Variants in TCERG1L observed in about 807,000 individuals in gnomAD.
TCERG1L encodes the protein transcription elongation regulator 1-like protein.
A neutral mutation model predicts 56.3 loss-of-function variants in TCERG1L; 37 were observed. The ratio of observed to expected loss-of-function variants is 0.66; its 90% CI spans 0.51 to 0.87. TCERG1L has a LOEUF of 0.87. Ranked by LOEUF, TCERG1L falls within the 40% of genes least tolerant of loss-of-function variation. TCERG1L has a pLI of 0.00. For synonymous variants in TCERG1L, 324 were observed against 326.3 expected (o/e 0.99, Z 0.08); for missense variants, 799 against 774.2 (o/e 1.03, Z -0.38).
chr10:131,148,563 CACAT>C (rs1845827153), intron 6 of TCERG1L, among the ~76,000 whole-genome samples: 1 of 142,036 alleles, frequency 7.0e-6, no homozygotes, highest in Non-Finnish European at 1.6e-5. Context: ...CAGAGAAACA[CACAT>C]ACACACAAAT....
At chr10:131,287,354 A>G (rs933226600) in intron 3 of TCERG1L, among the ~76,000 whole-genome samples, 1 of 152,212 alleles carries the variant, frequency 6.6e-6, no homozygotes. Context: ...CTTTTGGCAA[A>G]TTGATTCATT....
chr10:131,241,709 C>T (rs1301085765), intron 4 of TCERG1L, among the ~76,000 whole-genome samples: 6 of 151,878 alleles, frequency 4.0e-5, no homozygotes, highest in Admixed American at 2.0e-4. Flanking sequence ...ATATAGAACA[C>T]GTATTAACAG....
At chr10:131,207,259 G>C (rs1420429699) in intron 4 of TCERG1L, among the ~76,000 whole-genome samples, 1 of 151,698 alleles carries the variant, frequency 6.6e-6, no homozygotes, top group African/African-American at 2.4e-5. Flanking sequence ...TTCTGTCCTG[G>C]GAGACCCCAG....
intron 3 of TCERG1L, among the ~76,000 whole-genome samples, chr10:131,270,398 G>A (rs1056602493): frequency 2.6e-5 from 4 of 152,210 alleles, no homozygotes; most frequent in Non-Finnish European, 4.4e-5. Flanking sequence ...AGGGAATCCC[G>A]TAGTTGAGTA....
chr10:131,144,264 A>T (rs1162805093), intron 7 of TCERG1L, among the ~76,000 whole-genome samples: 1 of 152,232 alleles, frequency 6.6e-6, no homozygotes, highest in African/African-American at 2.4e-5. Flanking sequence ...CTAATAGTCA[A>T]ACAAAATGTG....
intron 3 of TCERG1L, among the ~76,000 whole-genome samples, chr10:131,280,127 T>G (rs1209379935): frequency 1.3e-5 from 2 of 152,202 alleles, no homozygotes; most frequent in Admixed American, 6.5e-5. Context: ...GTTTTACACA[T>G]TCTATACATT....
At position 131,308,248 on chromosome 10, in the gene TCERG1L, C is replaced by A. The variant is rs144369307; in HGVS notation, c.633G>T (p.Pro211=). 6.2e-7 allele frequency: 1 copy of A among 1,613,718 alleles called. No homozygotes were observed. Among genetic ancestry groups the A allele is most frequent in the Non-Finnish European group, 8.5e-7 (1 of 1,179,758 alleles). ...GAGGTGCTAACACCACCGTGGGGAG[C>A]GGCCTGGAGGCAGGAGCCGGCCTGG... ...SLSRPAPASR[P]LPTVVLAPQP... The change falls in exon 3 of 12, where the codon CCG becomes CCT. Residue 211 remains proline (P), a synonymous_variant. Transcript: ENST00000368642.
At chr10:131,307,955 C>A (rs1195986057) in intron 3 of TCERG1L, among the ~76,000 whole-genome samples, 4 of 152,080 alleles carry the variant, frequency 2.6e-5, no homozygotes, top group Non-Finnish European at 4.4e-5. Context: ...CAGAGCACTG[C>A]AAATACAATT....
At chr10:131,240,536 T>C (rs1254162038) in intron 4 of TCERG1L, among the ~76,000 whole-genome samples, 1 of 120,474 alleles carries the variant, frequency 8.3e-6, no homozygotes, top group Non-Finnish European at 1.8e-5. Context: ...GAGGAACTAA[T>C]GAATGAGTGA....
intron 9 of TCERG1L, among the ~76,000 whole-genome samples, chr10:131,106,557 AG>A (rs1659883826): frequency 6.6e-6 from 1 of 152,174 alleles, no homozygotes; most frequent in Admixed American, 6.5e-5. Flanking sequence ...ATGAAGGTGC[AG>A]GGAAGTGGCA....
chr10:131,224,116 C>A (rs1420848404), intron 4 of TCERG1L, among the ~76,000 whole-genome samples: 1 of 152,122 alleles, frequency 6.6e-6, no homozygotes, highest in Non-Finnish European at 1.5e-5. Context: ...CTCCTTTCCC[C>A]CTGACCCATC....
At chr10:131,220,781 G>T (rs562245871) in intron 4 of TCERG1L, among the ~76,000 whole-genome samples, 1 of 152,326 alleles carries the variant, frequency 6.6e-6, no homozygotes, top group South Asian at 2.1e-4. Flanking sequence ...CCTTGGCAGT[G>T]GTCCAGAGCC....
chr10:131,232,601 T>A (rs1845864579), intron 4 of TCERG1L, among the ~76,000 whole-genome samples: 1 of 152,230 alleles, frequency 6.6e-6, no homozygotes, highest in East Asian at 1.9e-4. Context: ...AAAACAGGTT[T>A]TGTTCTTTCT....
At position 131,093,057 on chromosome 10, in the gene TCERG1L, G is replaced by C; in HGVS notation, c.*105C>G. ...CCGCAGTGCCGGTGCCCGCTGGGCC[G>C]TGCAGGTCTCGGCCGCCCCACGCCC... is the stretch of plus-strand genomic sequence containing the variant. On this transcript the variant is annotated 3_prime_UTR_variant, in exon 12 of 12. Coordinates refer to ENST00000368642, the MANE Select transcript of TCERG1L (RefSeq NM_174937.4). 1.6e-6 allele frequency: 2 copies of C among 1,259,426 alleles called. No individual in the cohort carries two copies. Among genetic ancestry groups the C allele is most frequent in the South Asian group, 2.9e-5 (2 of 69,654 alleles). The allele number at this position is 1,259,426 out of a possible 1,614,324, so 78.0% of individuals were successfully genotyped here. A position where few individuals can be genotyped will look rare whatever the true frequency, so the allele number is the denominator to read the frequency against.
At chr10:131,248,310 C>T (rs1846064221) in intron 4 of TCERG1L, among the ~76,000 whole-genome samples, 2 of 151,874 alleles carry the variant, frequency 1.3e-5, no homozygotes. Context: ...ACAGATGCCA[C>T]CCAGGACTGG....
chr10:131,173,899 A>G (rs902318444), intron 4 of TCERG1L, among the ~76,000 whole-genome samples: 15 of 152,154 alleles, frequency 9.9e-5, no homozygotes, highest in Non-Finnish European at 1.0e-4. Flanking sequence ...CTGTGCAGCT[A>G]CCTGGACAGT....
intron 4 of TCERG1L, among the ~76,000 whole-genome samples, chr10:131,230,746 T>G (rs754514599): frequency 1.1e-4 from 17 of 152,162 alleles, no homozygotes; most frequent in Non-Finnish European, 1.9e-4. Context: ...GCATGGCTAC[T>G]CACAGCCAGA....
intron 6 of TCERG1L, chr10:131,161,236 T>C (rs2996075): frequency 1 from 151,897 of 152,338 alleles, 75,734 homozygotes; most frequent in Middle Eastern, 1. Flanking sequence ...CAACTGCCTC[T>C]GTGCAGTCAG....
chr10:131,307,894 T>C (rs1434448263), intron 3 of TCERG1L, among the ~76,000 whole-genome samples: 3 of 152,024 alleles, frequency 2.0e-5, no homozygotes, highest in Admixed American at 6.6e-5. Context: ...ACTGATCAAT[T>C]AGTGCCCCTA....
Sources: allele counts gnomAD v4.1 joint callset (sites outside exome capture counted in the v4.1 genomes callset), GRCh38; gene constraint gnomAD v4.1.1; transcripts MANE v1.5; gene names NCBI Gene and HGNC (gene_info 2026-07-23, HGNC 2026-07-21).